The following PXDN variants were observed in gnomAD, a reference collection of about 807,000 sequenced individuals.
The protein encoded by PXDN is peroxidasin.
Under a neutral mutation model 140.3 loss-of-function variants are expected in PXDN, and 77 were observed. That is an observed-to-expected ratio of 0.55 (90% CI 0.46 to 0.66). PXDN has a LOEUF of 0.66. Among genes scored for constraint, PXDN ranks in the 30% least tolerant of loss-of-function variants. The pLI, the probability that PXDN is intolerant of heterozygous loss-of-function variation, is 0.00. For synonymous variants in PXDN, 911 were observed against 857.4 expected, an observed-to-expected ratio of 1.06 and a Z score of -1.09; for missense variants, 1,838 against 2,039.5, an observed-to-expected ratio of 0.90 and a Z score of 1.90.
chr2:1,646,130 A>G (rs565193011), intron 17 of PXDN: 5 of 152,400 alleles, frequency 3.3e-5, no homozygotes, highest in African/African-American at 1.2e-4. Context: ...TGCCCTGTGA[A>G]GTCCTCCTGG....
rs767593496 is a variant in PXDN at position 1,673,618 on chromosome 2, C to G, written c.1018+25G>C. ...AGGGACGACAATTCTGGATGGAACCCCGGTGTGAAATGCCCGCCACATACC... is the reference window on the plus strand; with the variant it reads ...AGGGACGACAATTCTGGATGGAACCGCGGTGTGAAATGCCCGCCACATACC... On this transcript the variant is annotated intron_variant, in intron 9 of 22. Coordinates refer to ENST00000252804, the MANE Select transcript of PXDN (RefSeq NM_012293.3). The G allele has an allele frequency of 3.1e-6, 5 of 1,594,676 alleles. No homozygotes were observed. The Admixed American group carries it at 8.4e-5, about 27-fold the overall frequency.
chr2:1,699,230 C>T (rs1684363998), intron 1 of PXDN, among the ~76,000 whole-genome samples: 2 of 152,196 alleles, frequency 1.3e-5, no homozygotes, highest in Non-Finnish European at 2.9e-5. Context: ...CTAAAATGCA[C>T]AGACCACTTG....
chr2:1,719,898 CAGAG>C (rs1162438849), intron 1 of PXDN, among the ~76,000 whole-genome samples: 1 of 67,462 alleles, frequency 1.5e-5, no homozygotes, highest in Non-Finnish European at 2.8e-5. Flanking sequence ...GAGGGAGATT[CAGAG>C]AGAGAGGGAG....
At chr2:1,716,076 CCTGA>C (rs1684886853) in intron 1 of PXDN, among the ~76,000 whole-genome samples, 1 of 152,158 alleles carries the variant, frequency 6.6e-6, no homozygotes. Context: ...ACCTGTGCCA[CCTGA>C]CTGGCTGTGG....
At chr2:1,679,853 G>A (rs111206460) in intron 7 of PXDN, among the ~76,000 whole-genome samples, 2,385 of 142,758 alleles carry the variant, frequency 0.017, 95 homozygotes, top group African/African-American at 0.062. Flanking sequence ...GTGTGTATGT[G>A]CGTGTGTGTG....
chr2:1,652,928 C>CTGTGTGTGTG (rs1163368348), intron 16 of PXDN: 7 of 96,162 alleles, frequency 7.3e-5, no homozygotes, highest in African/African-American at 2.5e-4. Flanking sequence ...CTCCTCCGTG[C>CTGTGTGTGTG]TCTGTGTGTG....
At chr2:1,715,827 T>G (rs1684881447) in intron 1 of PXDN, among the ~76,000 whole-genome samples, 1 of 152,132 alleles carries the variant, frequency 6.6e-6, no homozygotes, top group Non-Finnish European at 1.5e-5. Context: ...AGGGTTAAGG[T>G]ACTTGCCCGG....
intron 7 of PXDN, among the ~76,000 whole-genome samples, chr2:1,679,213 ATGTG>A (rs1214708794): frequency 9.1e-5 from 12 of 132,414 alleles, no homozygotes; most frequent in African/African-American, 2.3e-4. Flanking sequence ...TTGTGTCTGC[ATGTG>A]TGTGTCTATA....
chr2:1,664,866 A>G (rs567119685), intron 11 of PXDN, 92 bp downstream of exon 11: 1 of 1,119,424 alleles, frequency 8.9e-7, no homozygotes, highest in South Asian at 1.5e-5. Context: ...CCTGTCCAGA[A>G]CACGCTGGGG....
chr2:1,710,020 C>A (rs1684714685), intron 1 of PXDN, among the ~76,000 whole-genome samples: 1 of 152,180 alleles, frequency 6.6e-6, no homozygotes, highest in Non-Finnish European at 1.5e-5. Context: ...GTCTCCAAGC[C>A]CTTCCCGCCA....
In PXDN at chr2:1,726,249, T is replaced by TA. The variant is rs772574081; in HGVS notation, c.200+18006dup. Reference sequence around the variant, plus strand: ...TACACCATGGAATACTATGCAGCCATAAAAAATGATGAGTTCATGTCCTTT... The same window carrying TA: ...TACACCATGGAATACTATGCAGCCATAAAAAAATGATGAGTTCATGTCCTTT... On this transcript the variant is annotated intron_variant, in intron 1 of 22. Transcript: ENST00000252804. Among the ~76,000 whole-genome samples, 2,787 of 151,180 alleles carry TA rather than the reference T, an allele frequency of 0.018. 248 individuals are homozygous for TA. The East Asian group carries it at 0.3, about 16-fold the overall frequency.
intron 1 of PXDN, among the ~76,000 whole-genome samples, chr2:1,704,878 G>A (rs949566240): frequency 3.3e-5 from 5 of 152,066 alleles, no homozygotes; most frequent in African/African-American, 9.7e-5. Context: ...GTGATTTGGG[G>A]GTCCCAAGAC....
chr2:1,673,616 C>T, intron 9 of PXDN, 27 bp downstream of exon 9: 2 of 1,594,792 alleles, frequency 1.3e-6, no homozygotes, highest in Non-Finnish European at 1.7e-6. Context: ...CTGGATGGAA[C>T]CCCGGTGTGA....
intron 1 of PXDN, among the ~76,000 whole-genome samples, chr2:1,716,411 C>A (rs1175740399): frequency 7.4e-6 from 1 of 136,008 alleles, no homozygotes; most frequent in Non-Finnish European, 1.5e-5. Context: ...GCACTCCAGC[C>A]TGGGCAACAG....
chr2:1,742,399 T>TG (rs1355459778), intron 1 of PXDN, among the ~76,000 whole-genome samples: 29 of 152,324 alleles, frequency 1.9e-4, no homozygotes, highest in African/African-American at 6.7e-4. Flanking sequence ...ATGTACCCTA[T>TG]GAGGAAGTGT....
intron 1 of PXDN, among the ~76,000 whole-genome samples, chr2:1,732,093 A>C (rs1685325451): frequency 1.3e-5 from 2 of 152,158 alleles, no homozygotes; most frequent in Non-Finnish European, 2.9e-5. Context: ...AAACCAAAAA[A>C]ACTGACAAAA....
Position 1,658,066 on chromosome 2 carries a change from CTCTCTCTCTCTCT to C in PXDN, c.1837+2802_1837+2814del, listed in dbSNP as rs1558494411. Among the ~76,000 whole-genome samples the C allele has an allele frequency of 2.5e-4, 31 of 126,356 alleles. 4 individuals are homozygous for C. The highest frequency in any genetic ancestry group is 9.8e-4 in the African/African-American group (29 of 29,668). 82.9% of individuals were successfully genotyped at this position (126,356 alleles called of 152,430 possible). Reference sequence around the variant, plus strand: ...TCTCTCTCTCTCTCTCTCTCTCTCTCTCTCTCTCTCTCTCTCTCTCTCTCTCTGTTACAGTGTC... The same window carrying C: ...TCTCTCTCTCTCTCTCTCTCTCTCTCCTCTCTCTCTCTCTGTTACAGTGTC... On this transcript the variant is annotated intron_variant, in intron 14 of 22. Coordinates refer to ENST00000252804, the MANE Select transcript of PXDN (RefSeq NM_012293.3).
chr2:1,633,949 A>G lies in PXDN; in HGVS notation c.*255T>C. On this transcript the variant is annotated 3_prime_UTR_variant, in exon 23 of 23. Transcript: ENST00000252804. The stretch of plus-strand genomic sequence containing the variant: ...CAATTTTTCATTTTAAAAGAATTAA[A>G]TAAAAACCTGAGAAGTCTAACGTGA... 5.1e-6 allele frequency: 2 copies of G among 391,188 alleles called. No individual in the cohort carries two copies. The highest frequency in any genetic ancestry group is 9.1e-6 in the Non-Finnish European group (2 of 219,804). The allele number at this position is 391,188 out of a possible 1,614,324, so 24.2% of individuals were successfully genotyped here.
At position 1,714,170 on chromosome 2, in the gene PXDN, T is replaced by C. The variant is rs1684845966; in HGVS notation, c.201-21036A>G. Among the ~76,000 whole-genome samples the C allele has an allele frequency of 6.6e-6, 1 of 152,222 alleles. No homozygotes were observed. Among genetic ancestry groups the C allele is most frequent in the African/African-American group, 2.4e-5 (1 of 41,456 alleles). ...CATCCAGGATACTGTTTTTTTCAAC[T>C]ACCTCATTTATTGCTCTTACATCTG... On this transcript the variant is annotated intron_variant, in intron 1 of 22. Transcript: ENST00000252804. This position sits in a 1 kb window ranked among gnomAD's most constrained non-coding sequence, Gnocchi z 4.3.
Sources: gnomAD v4.1 joint callset for allele counts (sites outside exome capture counted in the v4.1 genomes callset) on GRCh38, gnomAD v4.1.1 for gene constraint, Gnocchi (gnomAD v3.1) non-coding constraint, MANE v1.5 for transcripts, NCBI Gene and HGNC (gene_info 2026-07-23, HGNC 2026-07-21) for gene names.